The following ARHGEF11 variants were observed in gnomAD, a reference collection of about 807,000 sequenced individuals.
ARHGEF11 encodes the protein Rho guanine nucleotide exchange factor 11, also known as Rho guanine exchange factor (GEF) 11.
ARHGEF11 carries 55 observed loss-of-function variants against 193.7 expected under a neutral mutation model. That is an observed-to-expected ratio of 0.28 (90% confidence interval 0.23 to 0.36). The LOEUF (loss-of-function observed/expected upper bound fraction) is 0.36. ARHGEF11 is among the 10% of genes least tolerant of loss of function. The probability of loss-of-function intolerance (pLI) is 1.00; values close to 1 mark genes in which losing one functional copy is unlikely to be tolerated. For missense variants in ARHGEF11, 1,723 were observed against 2,005.6 expected (o/e 0.86, Z 2.69); for synonymous variants, 693 against 768.0 (o/e 0.90, Z 1.62).
chr1:156,960,626 C>CT (rs1660691261), intron 14 of ARHGEF11, among the ~76,000 whole-genome samples, 166 bp from the exon 15 acceptor site: 1 of 152,160 alleles, frequency 6.6e-6, no homozygotes, highest in African/African-American at 2.4e-5. Context: ...GAATTCTAGG[C>CT]TAGGGTTTTT....
intron 28 of ARHGEF11, 58 bp from the exon 29 acceptor site, chr1:156,946,220 T>C: frequency 6.7e-6 from 10 of 1,482,324 alleles, no homozygotes; most frequent in Non-Finnish European, 8.4e-6. Flanking sequence ...AGCTGGCTTA[T>C]GGGCTCAGGG....
rs775129678 is a variant in ARHGEF11 at position 156,939,682 on chromosome 1, C to T, written c.3962G>A (p.Gly1321Asp). The change falls in exon 37 of 41, where the codon GGT becomes GAT. Residue 1321 changes from glycine (G) to aspartate (D), a missense_variant. Gly to Asp is a moderately conservative substitution (Grantham distance 94). This residue lies in a region of ARHGEF11 where 360 missense variants were observed against 344.4 expected (regional missense o/e 1.05). Coordinates refer to ENST00000368194, the MANE Select transcript of ARHGEF11 (RefSeq NM_198236.3). ...EGERPEQEDM[G>D]LCSLEHLPPR... ...GGGTAGGTGTTCCAGAGAACAGAGA[C>T]CCATGTCTTCCTGCTCTGGCCGTTC... 6.2e-7 allele frequency: 1 copy of T among 1,614,060 alleles called. No individual in the cohort carries two copies. Among genetic ancestry groups the T allele is most frequent in the Non-Finnish European group, 8.5e-7 (1 of 1,180,018 alleles).
Position 156,971,796 on chromosome 1 carries a change from G to A in ARHGEF11, c.603C>T (p.Ser201=), listed in dbSNP as rs1662521043. The A allele has an allele frequency of 6.2e-7, 1 of 1,613,612 alleles. No homozygotes were observed. The highest frequency in any genetic ancestry group is 8.5e-7 in the Non-Finnish European group (1 of 1,179,944). ...CTTCCAGTAGGCTGGCGGGGTTCCG[G>A]CTATAGACCTCACAGATACGCTAGG... The part of the protein sequence containing the change: ...KELQRICEVY[S]RNPASLLEEQ... Residue 201 remains serine, a synonymous_variant, in exon 8 of 41, where the codon AGC becomes AGT. Coordinates refer to ENST00000368194, the MANE Select transcript of ARHGEF11 (RefSeq NM_198236.3).
intron 40 of ARHGEF11, among the ~76,000 whole-genome samples, chr1:156,936,497 A>AAAAAAAATATAT (rs370282821): frequency 6.5e-4 from 22 of 33,920 alleles, no homozygotes; most frequent in East Asian, 2.2e-3. Context: ...AAAAAAAAAA[A>AAAAAAAATATAT]ATATATATAT....
At chr1:156,949,272 T>A (rs1429695276) in intron 22 of ARHGEF11, among the ~76,000 whole-genome samples, 1 of 152,172 alleles carries the variant, frequency 6.6e-6, no homozygotes, top group Non-Finnish European at 1.5e-5. Flanking sequence ...TGACTGGGTG[T>A]TGCGGTGTCG....
At chr1:156,997,676 AGCAC>A (rs1666715358) in intron 1 of ARHGEF11, among the ~76,000 whole-genome samples, 3 of 152,164 alleles carry the variant, frequency 2.0e-5, no homozygotes, top group Admixed American at 6.5e-5. Flanking sequence ...TGTGGCTAAG[AGCAC>A]CAGAAATGTG....
intron 1 of ARHGEF11, among the ~76,000 whole-genome samples, chr1:157,024,382 G>C (rs868502807): frequency 1.2e-4 from 19 of 152,226 alleles, no homozygotes; most frequent in African/African-American, 3.9e-4. Flanking sequence ...GACCTTAGGT[G>C]AATCTCATGG....
At chr1:157,033,373 A>ATC (rs993205762) in intron 1 of ARHGEF11, among the ~76,000 whole-genome samples, 7 of 151,714 alleles carry the variant, frequency 4.6e-5, no homozygotes, top group Admixed American at 4.6e-4. Flanking sequence ...GTAACCTCTG[A>ATC]TCTCTCATTT....
chr1:156,951,884 G>A (rs143947535), intron 21 of ARHGEF11, among the ~76,000 whole-genome samples, 185 bp from the exon 22 acceptor site: 37 of 152,202 alleles, frequency 2.4e-4, no homozygotes, highest in Non-Finnish European at 4.4e-4. Context: ...GTGGCCCTGG[G>A]CAGTCACACT....
At chr1:156,956,631 T>C (rs1659998519) in intron 18 of ARHGEF11, 67 bp from the exon 19 acceptor site, 3 of 1,583,572 alleles carry the variant, frequency 1.9e-6, no homozygotes, top group Admixed American at 3.4e-5. Flanking sequence ...AAACAATCTC[T>C]TCACCACCAC....
intron 3 of ARHGEF11, among the ~76,000 whole-genome samples, chr1:156,981,428 T>C (rs1202114487): frequency 6.6e-6 from 1 of 152,208 alleles, no homozygotes; most frequent in African/African-American, 2.4e-5. Context: ...CTCTTGACTT[T>C]TGCAACTTGT....
chr1:156,979,655 C>T (rs7511689), intron 4 of ARHGEF11, among the ~76,000 whole-genome samples: 35,854 of 152,072 alleles, frequency 0.24, 4,495 homozygotes, highest in East Asian at 0.44. Context: ...TGAGCCACTG[C>T]GCCTGGCCCA....
intron 22 of ARHGEF11, among the ~76,000 whole-genome samples, chr1:156,951,134 A>C (rs1238382274): frequency 6.6e-6 from 1 of 152,182 alleles, no homozygotes; most frequent in African/African-American, 2.4e-5. Context: ...GCAGAACCTC[A>C]TCTCTGGCTC....
intron 10 of ARHGEF11, 103 bp downstream of exon 10, chr1:156,969,179 G>A: frequency 1.1e-6 from 1 of 901,566 alleles, no homozygotes; most frequent in Non-Finnish European, 1.8e-6. Flanking sequence ...CGATGGAAGA[G>A]GCACACAGAG....
intron 11 of ARHGEF11, among the ~76,000 whole-genome samples, chr1:156,965,121 G>A (rs1308757803): frequency 6.6e-6 from 1 of 152,036 alleles, no homozygotes; most frequent in Non-Finnish European, 1.5e-5. Flanking sequence ...CTAAGAAACT[G>A]GAAATTATAC....
At chr1:156,960,580 C>G in intron 14 of ARHGEF11, 120 bp from the exon 15 acceptor site, 1 of 840,378 alleles carries the variant, frequency 1.2e-6, no homozygotes, top group Non-Finnish European at 1.9e-6. Flanking sequence ...CTACATCTGC[C>G]TACCATCCTT....
At chr1:156,959,881 G>A (rs547544638) in intron 15 of ARHGEF11, among the ~76,000 whole-genome samples, 9 of 150,870 alleles carry the variant, frequency 6.0e-5, no homozygotes, top group Admixed American at 2.0e-4. Flanking sequence ...CTCTGGACTC[G>A]CTGCTGTCAG....
At position 157,041,958 on chromosome 1, in the gene ARHGEF11, G is replaced by A. The variant is rs1403656291; in HGVS notation, c.32+2341C>T. On this transcript the variant is annotated intron_variant, in intron 1 of 40. Coordinates refer to ENST00000368194, the MANE Select transcript of ARHGEF11 (RefSeq NM_198236.3). The stretch of plus-strand genomic sequence containing the variant: ...AAACTGATAAACTGAAAGAATACTA[G>A]ACTCCATAATCCGCAGCGTATTATT... Among the ~76,000 whole-genome samples the A allele has an allele frequency of 3.3e-5, 5 of 152,130 alleles. No individual in the cohort carries two copies. The East Asian group carries it at 9.6e-4, about 29-fold the overall frequency.
Position 156,935,923 on chromosome 1 carries a change from C to A in ARHGEF11, c.*77G>T. The A allele has an allele frequency of 1.3e-6, 2 of 1,501,370 alleles. No homozygotes were observed. The highest frequency in any genetic ancestry group is 1.8e-6 in the Non-Finnish European group (2 of 1,098,420). 93.0% of individuals were successfully genotyped at this position (1,501,370 alleles called of 1,614,324 possible). A position where few individuals can be genotyped will look rare whatever the true frequency, so the allele number is the denominator to read the frequency against. On this transcript the variant is annotated 3_prime_UTR_variant, in exon 41 of 41. Coordinates refer to ENST00000368194, the MANE Select transcript of ARHGEF11 (RefSeq NM_198236.3). ...TCCACAGGGAGGAGTGTTGGGATCC[C>A]CCCTACCCTGTGCCCCGGTCTCAGG...
Sources: gnomAD v4.1 joint callset for allele counts (sites outside exome capture counted in the v4.1 genomes callset) on GRCh38, gnomAD v4.1.1 for gene constraint, gnomAD v4.1.1 regional missense constraint, MANE v1.5 for transcripts, NCBI Gene and HGNC (gene_info 2026-07-23, HGNC 2026-07-21) for gene names.